TRIM75: variants seen among roughly 807,000 people sequenced by gnomAD.
The protein encoded by TRIM75 is tripartite motif-containing protein 75.
the TRIM75 span, among the ~76,000 whole-genome samples, chr4:165,054,623 C>A: frequency 6.6e-6 from 1 of 152,004 alleles, no homozygotes; most frequent in Admixed American, 6.6e-5. Context: ...TGGTCTCGAA[C>A]CCCTGATCTC....
chr4:165,058,338 T>A, the TRIM75 span, among the ~76,000 whole-genome samples: 8 of 151,988 alleles, frequency 5.3e-5, no homozygotes, highest in African/African-American at 1.5e-4. Flanking sequence ...CCAACTAATT[T>A]TTTTTTTATT....
At chr4:165,059,413 G>A in the TRIM75 span, 1 of 780,894 alleles carries the variant, frequency 1.3e-6, no homozygotes, top group African/African-American at 1.7e-5. Flanking sequence ...AGTAATAAAA[G>A]GAAGCAGGAA....
the TRIM75 span, among the ~76,000 whole-genome samples, chr4:165,057,560 T>C: frequency 6.6e-6 from 1 of 152,206 alleles, no homozygotes; most frequent in Non-Finnish European, 1.5e-5. Flanking sequence ...GCTTTTGAGA[T>C]AGCAGTCTAG....
At chr4:165,054,938 T>C in the TRIM75 span, among the ~76,000 whole-genome samples, 1 of 151,850 alleles carries the variant, frequency 6.6e-6, no homozygotes, top group African/African-American at 2.4e-5. Flanking sequence ...GGTTTGTGTA[T>C]AGAGTTGGGG....
chr4:165,056,615 T>C, the TRIM75 span, among the ~76,000 whole-genome samples: 1 of 103,160 alleles, frequency 9.7e-6, no homozygotes, highest in African/African-American at 4.9e-5. Flanking sequence ...TTTTTTTTTT[T>C]TTTTTTTTTT....
At chr4:165,055,283 C>CTT in the TRIM75 span, among the ~76,000 whole-genome samples, 8 of 129,568 alleles carry the variant, frequency 6.2e-5, no homozygotes, top group African/African-American at 1.4e-4. Flanking sequence ...AAGATAACTA[C>CTT]TTTTTTTTTT....
chr4:165,059,289 C>A, the TRIM75 span: 1 of 780,546 alleles, frequency 1.3e-6, no homozygotes, highest in South Asian at 1.3e-5. Context: ...GCTGGATCTA[C>A]AGGAATTGTT....
At chr4:165,056,104 T>G in the TRIM75 span, among the ~76,000 whole-genome samples, 3 of 151,860 alleles carry the variant, frequency 2.0e-5, no homozygotes, top group Non-Finnish European at 2.9e-5. Flanking sequence ...TTTTTGTATT[T>G]TTAGTAGAGA....
the TRIM75 span, chr4:165,060,116 A>C: frequency 5.8e-5 from 45 of 780,834 alleles, no homozygotes; most frequent in African/African-American, 6.6e-4. Flanking sequence ...AGAGAAAACA[A>C]AAGGTTCCTG....
At chr4:165,055,481 T>C in the TRIM75 span, among the ~76,000 whole-genome samples, 35 of 151,838 alleles carry the variant, frequency 2.3e-4, no homozygotes, top group Non-Finnish European at 3.8e-4. Flanking sequence ...ACAGGGTTTC[T>C]CCACGTTGGT....
At chr4:165,054,196 A>G in the TRIM75 span, among the ~76,000 whole-genome samples, 1 of 151,056 alleles carries the variant, frequency 6.6e-6, no homozygotes, top group Non-Finnish European at 1.5e-5. Flanking sequence ...GGGGTCAAGC[A>G]ATTCTCCTGC....
the TRIM75 span, among the ~76,000 whole-genome samples, chr4:165,056,909 G>A: frequency 3.3e-5 from 5 of 152,100 alleles, no homozygotes; most frequent in Middle Eastern, 3.4e-3. Flanking sequence ...GAGCCACTGC[G>A]CCCGGCCAAT....
chr4:165,056,214 T>C, the TRIM75 span, among the ~76,000 whole-genome samples: 2 of 151,988 alleles, frequency 1.3e-5, no homozygotes, highest in South Asian at 4.2e-4. Context: ...TCCCAACACT[T>C]TGAGAGGCCA....
chr4:165,053,870 T>C, the TRIM75 span, among the ~76,000 whole-genome samples: 2 of 151,776 alleles, frequency 1.3e-5, no homozygotes, highest in African/African-American at 2.4e-5. Context: ...AGCTGCACTT[T>C]CCATGTGTGT....
chr4:165,060,293 G>C, the TRIM75 span: 1 of 780,938 alleles, frequency 1.3e-6, no homozygotes, highest in Non-Finnish European at 2.4e-6. Context: ...CAGCCCAGCA[G>C]GAATGTTGGA....
the TRIM75 span, among the ~76,000 whole-genome samples, chr4:165,057,296 A>G: frequency 8.5e-5 from 13 of 152,118 alleles, no homozygotes; most frequent in African/African-American, 3.1e-4. Context: ...GATTTCTTGA[A>G]TTCAGGAGTT....
chr4:165,058,925 G>C, the TRIM75 span, among the ~76,000 whole-genome samples: 42 of 152,288 alleles, frequency 2.8e-4, no homozygotes, highest in Non-Finnish European at 4.7e-4. Context: ...CAGGCTGTGT[G>C]TGGGACTCCT....
chr4:165,059,033 C>G, the TRIM75 span: 1 of 617,420 alleles, frequency 1.6e-6, no homozygotes, highest in South Asian at 2.0e-5. Flanking sequence ...TCATCAGCTG[C>G]CTCCAGGAAG....
chr4:165,059,089 C>A, the TRIM75 span: 1 of 683,178 alleles, frequency 1.5e-6, no homozygotes, highest in East Asian at 2.6e-5. Context: ...GAAGAGTACC[C>A]ACAGAACTCA....
Sources: gnomAD v4.1 joint callset for allele counts (sites outside exome capture counted in the v4.1 genomes callset) on GRCh38, gnomAD v4.1.1 for gene constraint, MANE v1.5 for transcripts, NCBI Gene and HGNC (gene_info 2026-07-23, HGNC 2026-07-21) for gene names.